Variants in CSMD1 observed in about 807,000 individuals in gnomAD.
CSMD1 encodes CUB and sushi domain-containing protein 1.
Under a neutral mutation model 417.5 loss-of-function variants are expected in CSMD1, and 213 were observed. The ratio of observed to expected loss-of-function variants is 0.51; its 90% CI spans 0.46 to 0.57. CSMD1 has a LOEUF of 0.57. Ranked by LOEUF, CSMD1 falls within the 20% of genes least tolerant of loss-of-function variation. The probability of loss-of-function intolerance (pLI) is 0.00; values close to 1 mark genes in which losing one functional copy is unlikely to be tolerated. For missense variants in CSMD1, 6,923 were observed against 4,529.7 expected (o/e 1.53, Z -15.17); for synonymous variants, 2,862 against 1,736.8 (o/e 1.65, Z -16.11).
rs370841809 is a variant in CSMD1 at position 4,448,227 on chromosome 8, A to T, written c.303-28162T>A. 3.9e-4 allele frequency among the ~76,000 whole-genome samples: 60 copies of T among 152,318 alleles called. No individual in the cohort carries two copies. In the South Asian group the frequency reaches 6.2e-3, roughly 16 times the overall value. On this transcript the variant is annotated intron_variant, in intron 2 of 69. Coordinates refer to ENST00000635120, the MANE Select transcript of CSMD1 (RefSeq NM_033225.6). ...AACACTGAAAATATTTTTCATCTTT[A>T]TTCAGGTGAAGGAATCAAAAGCCCA...
At chr8:4,131,866 C>G (rs111700176) in intron 3 of CSMD1, among the ~76,000 whole-genome samples, 4,734 of 150,046 alleles carry the variant, frequency 0.032, 255 homozygotes, top group African/African-American at 0.11. Flanking sequence ...AGGTTCACGC[C>G]ATTCTCCTGC....
intron 10 of CSMD1, among the ~76,000 whole-genome samples, chr8:3,540,873 G>T (rs1798408414): frequency 6.6e-6 from 1 of 152,180 alleles, no homozygotes. Context: ...AAAAAGTCAA[G>T]AAACAACAGA....
intron 4 of CSMD1, among the ~76,000 whole-genome samples, chr8:4,001,686 G>C (rs1202039958): frequency 2.6e-5 from 4 of 152,126 alleles, no homozygotes; most frequent in Non-Finnish European, 4.4e-5. Flanking sequence ...AATTTCCGTT[G>C]ATGAATGAGT....
At chr8:3,186,048 A>G (rs1241523138) in intron 36 of CSMD1, among the ~76,000 whole-genome samples, 1 of 152,084 alleles carries the variant, frequency 6.6e-6, no homozygotes, top group African/African-American at 2.4e-5. Flanking sequence ...AAAAAAAAAA[A>G]AAGTGTGACT....
At chr8:4,524,718 A>G (rs1796425559) in intron 2 of CSMD1, among the ~76,000 whole-genome samples, 1 of 152,090 alleles carries the variant, frequency 6.6e-6, no homozygotes, top group Admixed American at 6.6e-5. Flanking sequence ...CAAATCTGAT[A>G]TTTGATCCTA....
Position 3,985,516 on chromosome 8 carries a change from C to G in CSMD1, c.818+12387G>C, listed in dbSNP as rs144140971. On this transcript the variant is annotated intron_variant, in intron 5 of 69. Transcript: ENST00000635120. Reference sequence around the variant, plus strand: ...TCTCCATCCCAAATGTTTCAAGAGCCAGATACAACGAACACATCATTTTAC... The same window carrying G: ...TCTCCATCCCAAATGTTTCAAGAGCGAGATACAACGAACACATCATTTTAC... Among the ~76,000 whole-genome samples the G allele has an allele frequency of 2.4e-3, 371 of 152,174 alleles. 1 individual carries two copies. The highest frequency in any genetic ancestry group is 8.4e-3 in the African/African-American group (348 of 41,514).
At chr8:4,813,796 G>A (rs1340057259) in intron 1 of CSMD1, among the ~76,000 whole-genome samples, 1 of 152,146 alleles carries the variant, frequency 6.6e-6, no homozygotes, top group African/African-American at 2.4e-5. Flanking sequence ...AGAATGTCTA[G>A]GGTTGCCATC....
chr8:3,970,158 A>G (rs748976711), intron 5 of CSMD1, among the ~76,000 whole-genome samples: 8 of 151,946 alleles, frequency 5.3e-5, no homozygotes, highest in Non-Finnish European at 1.2e-4. Context: ...TTTATGTGAC[A>G]TTTGGCAGTT....
At chr8:3,309,847 G>C (rs1805188892) in intron 23 of CSMD1, among the ~76,000 whole-genome samples, 1 of 152,168 alleles carries the variant, frequency 6.6e-6, no homozygotes, top group South Asian at 2.1e-4. Flanking sequence ...GACTAATCAG[G>C]ATTGAGATTT....
chr8:3,559,767 G>A (rs1042463670), intron 10 of CSMD1, among the ~76,000 whole-genome samples: 3 of 152,084 alleles, frequency 2.0e-5, no homozygotes, highest in African/African-American at 7.2e-5. Context: ...CAAATTTATT[G>A]TGGAAGATAA....
chr8:4,489,211 C>G (rs552417187), intron 2 of CSMD1, among the ~76,000 whole-genome samples: 14 of 152,330 alleles, frequency 9.2e-5, no homozygotes, highest in Non-Finnish European at 1.9e-4. Flanking sequence ...TGCACCCAGT[C>G]TACTAAATAC....
At chr8:3,864,747 A>G (rs1292633769) in intron 5 of CSMD1, among the ~76,000 whole-genome samples, 2 of 152,122 alleles carry the variant, frequency 1.3e-5, no homozygotes, top group African/African-American at 4.8e-5. Context: ...CTCCTAGTAA[A>G]TTAAACTATA....
intron 2 of CSMD1, among the ~76,000 whole-genome samples, chr8:4,554,481 G>A (rs1374686294): frequency 6.6e-6 from 1 of 152,170 alleles, no homozygotes; most frequent in African/African-American, 2.4e-5. Context: ...GTAATAATTT[G>A]AGAATCTGGA....
At chr8:2,983,576 G>A (rs972519382) in intron 54 of CSMD1, among the ~76,000 whole-genome samples, 1 of 152,194 alleles carries the variant, frequency 6.6e-6, no homozygotes, top group South Asian at 2.1e-4. Flanking sequence ...TGAAGGCTCT[G>A]AGATGATTAG....
chr8:4,830,610 C>A (rs1258659068), intron 1 of CSMD1, among the ~76,000 whole-genome samples: 1 of 152,190 alleles, frequency 6.6e-6, no homozygotes, highest in Non-Finnish European at 1.5e-5. Context: ...ATACATAGAA[C>A]AAACTATGAC....
Position 4,483,575 on chromosome 8 carries a change from C to G in CSMD1, c.303-63510G>C, listed in dbSNP as rs145112247. ...GGTTTTCTCTCAAGGATATTGAAAT[C>G]AAATAGGTGATTCATTTTCAATACA... On this transcript the variant is annotated intron_variant, in intron 2 of 69. Coordinates refer to ENST00000635120, the MANE Select transcript of CSMD1 (RefSeq NM_033225.6). 6.4e-3 allele frequency among the ~76,000 whole-genome samples: 981 copies of G among 152,182 alleles called. 6 individuals carry two copies. The highest frequency in any genetic ancestry group is 0.022 in the African/African-American group (917 of 41,520).
chr8:3,053,443 C>T (rs989646650), intron 49 of CSMD1, among the ~76,000 whole-genome samples: 2 of 151,964 alleles, frequency 1.3e-5, no homozygotes, highest in African/African-American at 4.8e-5. Context: ...TTTATTGTTC[C>T]TCTCCCCTTC....
chr8:4,233,775 T>G (rs144804868), intron 3 of CSMD1, among the ~76,000 whole-genome samples: 14 of 152,246 alleles, frequency 9.2e-5, no homozygotes, highest in African/African-American at 3.4e-4. Flanking sequence ...AAATAATATC[T>G]GAGAAGAAGT....
chr8:4,608,797 A>T (rs1384127261), intron 2 of CSMD1, among the ~76,000 whole-genome samples: 1 of 152,224 alleles, frequency 6.6e-6, no homozygotes, highest in Non-Finnish European at 1.5e-5. Flanking sequence ...TGAATGTGTG[A>T]TACACATGAT....
Sources: gnomAD v4.1 joint callset for allele counts (sites outside exome capture counted in the v4.1 genomes callset) on GRCh38, gnomAD v4.1.1 for gene constraint, MANE v1.5 for transcripts, NCBI Gene and HGNC (gene_info 2026-07-23, HGNC 2026-07-21) for gene names.